PDZD2: variants seen among roughly 807,000 people sequenced by gnomAD.
PDZD2 encodes PDZ domain containing 2, also known as PDZ domain-containing protein 2.
PDZD2 carries 90 observed loss-of-function variants against 220.7 expected under a neutral mutation model. The observed-to-expected ratio is 0.41, with a 90% CI of 0.34 to 0.49. PDZD2 has a LOEUF of 0.49. PDZD2 is among the 20% of genes least tolerant of loss of function. The probability of loss-of-function intolerance (pLI) is 0.28; values close to 1 mark genes in which losing one functional copy is unlikely to be tolerated. For missense variants in PDZD2, 3,174 were observed against 3,608.5 expected, an observed-to-expected ratio of 0.88 and a Z score of 3.08; for synonymous variants, 1,375 against 1,450.5, an observed-to-expected ratio of 0.95 and a Z score of 1.18.
intron 2 of PDZD2, among the ~76,000 whole-genome samples, chr5:31,960,464 C>T (rs1748116720): frequency 6.6e-6 from 1 of 152,174 alleles, no homozygotes; most frequent in Non-Finnish European, 1.5e-5. Flanking sequence ...CCGCCTCGGC[C>T]TTCCAAAATG....
chr5:31,729,636 T>C (rs919029882), intron 1 of PDZD2, among the ~76,000 whole-genome samples: 1 of 152,188 alleles, frequency 6.6e-6, no homozygotes, highest in African/African-American at 2.4e-5. Flanking sequence ...TTAGCTTTTT[T>C]TGTCCATCCA....
intron 1 of PDZD2, among the ~76,000 whole-genome samples, chr5:31,737,343 G>T (rs560926515): frequency 2.0e-4 from 30 of 149,856 alleles, no homozygotes; most frequent in African/African-American, 2.7e-4. Flanking sequence ...CAGCTAATTT[G>T]TTGTATTTTT....
chr5:31,753,029 G>A (rs1366456368), intron 1 of PDZD2, among the ~76,000 whole-genome samples: 1 of 152,152 alleles, frequency 6.6e-6, no homozygotes, highest in East Asian at 1.9e-4. Flanking sequence ...GAATTAAAAT[G>A]GACTTTCCTT....
At chr5:31,789,618 G>T (rs1753582259) in intron 1 of PDZD2, among the ~76,000 whole-genome samples, 1 of 152,158 alleles carries the variant, frequency 6.6e-6, no homozygotes, top group Non-Finnish European at 1.5e-5. Context: ...ACTGGAAAAG[G>T]TATAAAATAA....
chr5:31,708,160 T>A (rs1747914013), intron 1 of PDZD2, among the ~76,000 whole-genome samples: 1 of 152,238 alleles, frequency 6.6e-6, no homozygotes, highest in Non-Finnish European at 1.5e-5. Context: ...GTTTTCACTG[T>A]ATCTTTTGCA....
At chr5:31,718,112 T>C (rs1748558934) in intron 1 of PDZD2, among the ~76,000 whole-genome samples, 2 of 152,242 alleles carry the variant, frequency 1.3e-5, no homozygotes, top group Middle Eastern at 3.4e-3. Flanking sequence ...TTTGGTGCTG[T>C]AAAAGAGCAG....
intron 1 of PDZD2, among the ~76,000 whole-genome samples, chr5:31,745,738 T>C (rs1750562238): frequency 6.6e-6 from 1 of 152,128 alleles, no homozygotes; most frequent in East Asian, 1.9e-4. Context: ...GGTCACTGCG[T>C]CCTATCTTAG....
chr5:31,982,303 G>A (rs7733163), intron 2 of PDZD2, among the ~76,000 whole-genome samples: 44,547 of 152,020 alleles, frequency 0.29, 6,810 homozygotes, highest in Middle Eastern at 0.39. Flanking sequence ...CCAGTTGCCT[G>A]TTTGTTTTGT....
chr5:31,711,143 C>A (rs553419474), intron 1 of PDZD2, among the ~76,000 whole-genome samples: 1 of 152,124 alleles, frequency 6.6e-6, no homozygotes, highest in African/African-American at 2.4e-5. Context: ...CCAGGGTCCA[C>A]GCCAGATGTT....
At chr5:31,829,508 G>T (rs1279543843) in intron 2 of PDZD2, among the ~76,000 whole-genome samples, 4 of 151,658 alleles carry the variant, frequency 2.6e-5, no homozygotes, top group African/African-American at 9.7e-5. Context: ...GTAAAAACAG[G>T]GTTTCACCAT....
chr5:32,006,146 C>CAAAA (rs58241518), intron 5 of PDZD2, among the ~76,000 whole-genome samples: 5 of 99,488 alleles, frequency 5.0e-5, no homozygotes, highest in African/African-American at 1.6e-4. Context: ...GACTCCACTT[C>CAAAA]AAAAAAAAAA....
intron 2 of PDZD2, among the ~76,000 whole-genome samples, chr5:31,889,237 GCT>G (rs1224700266): frequency 1.3e-5 from 2 of 152,182 alleles, no homozygotes; most frequent in African/African-American, 4.8e-5. Flanking sequence ...CGTGGTTTTA[GCT>G]CTCTTTTGGC....
intron 2 of PDZD2, among the ~76,000 whole-genome samples, chr5:31,900,272 C>T (rs540249907): frequency 1.3e-5 from 2 of 152,286 alleles, no homozygotes; most frequent in African/African-American, 2.4e-5. Flanking sequence ...TTGTGTCAGG[C>T]AGTCAAGAAA....
chr5:31,793,540 C>T (rs995195267), intron 1 of PDZD2, among the ~76,000 whole-genome samples: 8 of 152,156 alleles, frequency 5.3e-5, no homozygotes, highest in Non-Finnish European at 1.2e-4. Flanking sequence ...GATGCAGTGG[C>T]TCATACCTGT....
chr5:32,088,085 C>A lies in PDZD2; in HGVS notation c.4637C>A (p.Pro1546Gln). The A allele has an allele frequency of 6.2e-7, 1 of 1,614,146 alleles. No homozygotes were observed. Among genetic ancestry groups the A allele is most frequent in the Non-Finnish European group, 8.5e-7 (1 of 1,179,994 alleles). ...SLSGLGDSTE[P>Q]SLSSMYGDAE... ...TCAGGCCTGGGTGACAGCACGGAGCCGTCTCTGTCATCCATGTATGGCGAT... is the reference window on the plus strand; with the variant it reads ...TCAGGCCTGGGTGACAGCACGGAGCAGTCTCTGTCATCCATGTATGGCGAT... Residue 1546 changes from proline (P) to glutamine (Q), a missense_variant, in exon 20 of 25, where the codon CCG (proline) becomes CAG (glutamine). Transcript: ENST00000438447. The surrounding 1 kb of genome is among the most constrained non-coding windows in gnomAD (Gnocchi z 4.6).
chr5:31,675,050 A>G (rs1199622413), intron 1 of PDZD2, among the ~76,000 whole-genome samples: 1 of 152,186 alleles, frequency 6.6e-6, no homozygotes, highest in African/African-American at 2.4e-5. Flanking sequence ...AGAGGATGGA[A>G]AGGATGAGAA....
chr5:32,100,611 T>TG (rs1561601492), intron 23 of PDZD2: 1 of 345,848 alleles, frequency 2.9e-6, no homozygotes, highest in African/African-American at 2.2e-5. Flanking sequence ...TCTGGGTTCC[T>TG]GGGGGCTTTG....
At position 31,655,265 on chromosome 5, in the gene PDZD2, C is replaced by T. The variant is rs375878889; in HGVS notation, c.-361+15828C>T. On this transcript the variant is annotated intron_variant, in intron 1 of 24. Transcript: ENST00000438447. ...TCAGCTCACTGCAACCTCTGCCTCC[C>T]GGGTTCAAGCGATTCTCCTGCCTCA... Among the ~76,000 whole-genome samples, 16 of 152,104 alleles carry T rather than the reference C, an allele frequency of 1.1e-4. No homozygotes were observed. The East Asian group carries it at 1.5e-3, about 15-fold the overall frequency.
chr5:31,699,457 A>T (rs1047069544), intron 1 of PDZD2, among the ~76,000 whole-genome samples: 2 of 152,124 alleles, frequency 1.3e-5, no homozygotes, highest in Non-Finnish European at 2.9e-5. Flanking sequence ...CAGATTAGAA[A>T]GGAGGTTGAG....
Sources: allele counts gnomAD v4.1 joint callset (sites outside exome capture counted in the v4.1 genomes callset), GRCh38; gene constraint gnomAD v4.1.1; non-coding constraint Gnocchi (gnomAD v3.1); transcripts MANE v1.5; gene names NCBI Gene and HGNC (gene_info 2026-07-23, HGNC 2026-07-21).